Variants in CLEC10A observed in about 807,000 individuals in gnomAD.
CLEC10A encodes the protein C-type lectin domain family 10 member A.
Under a neutral mutation model 42.0 loss-of-function variants are expected in CLEC10A, and 38 were observed. That is an observed-to-expected ratio of 0.90 (90% CI 0.70 to 1.18). CLEC10A has a LOEUF of 1.18. CLEC10A is among the 50% of genes most tolerant of loss of function. The probability of loss-of-function intolerance (pLI) is 0.00; values close to 1 mark genes in which losing one functional copy is unlikely to be tolerated. For missense variants in CLEC10A, 298 were observed against 345.9 expected (o/e 0.86, Z 1.10); for synonymous variants, 126 against 139.9 (o/e 0.90, Z 0.70).
chr17:7,077,674 C>A (rs9914415), intron 3 of CLEC10A, among the ~76,000 whole-genome samples: 2 of 97,056 alleles, frequency 2.1e-5, no homozygotes, highest in East Asian at 4.9e-4. Flanking sequence ...GTGCCCCCAC[C>A]ACCGTCCCCA....
At chr17:7,078,403 G>A (rs1353826821) in intron 2 of CLEC10A, 8 of 504,532 alleles carry the variant, frequency 1.6e-5, no homozygotes, top group Non-Finnish European at 3.6e-6. Context: ...GGAGAGCTGG[G>A]GGCAGCCAGC....
At position 7,078,846 on chromosome 17, in the gene CLEC10A, C is replaced by T. The variant is rs1172347697; in HGVS notation, c.-34G>A. The T allele has an allele frequency of 6.2e-7, 1 of 1,610,510 alleles. No homozygotes were observed. The highest frequency in any genetic ancestry group is 1.1e-5 in the South Asian group (1 of 90,986). On this transcript the variant is annotated 5_prime_UTR_variant, in exon 2 of 9. Coordinates refer to ENST00000416562, the MANE Select transcript of CLEC10A (RefSeq NM_001330070.2). ...CAACACGGCTCTGAGGTTGTCACAGCTGAAATGGAGGCAGGGCCGGCGCCC... is the reference window on the plus strand; with the variant it reads ...CAACACGGCTCTGAGGTTGTCACAGTTGAAATGGAGGCAGGGCCGGCGCCC...
intron 2 of CLEC10A, 31 bp from the exon 3 acceptor site, chr17:7,078,144 G>A (rs774163058): frequency 9.2e-6 from 14 of 1,529,936 alleles, no homozygotes; most frequent in Middle Eastern, 1.7e-4. Context: ...AGGATGAGGA[G>A]GGTCCAGACA....
At chr17:7,077,018 G>T in intron 3 of CLEC10A, 31 bp from the exon 4 acceptor site, 2 of 1,467,246 alleles carry the variant, frequency 1.4e-6, no homozygotes, top group South Asian at 1.1e-5. Context: ...GTCAGTGCTG[G>T]GATTCATCAG....
chr17:7,075,863 G>T lies in CLEC10A; in HGVS notation c.462C>A (p.Cys154Ter). The change falls in exon 7 of 9, where the codon TGC becomes TGA. Residue 154 changes from cysteine to a stop codon, truncating the protein, a stop_gained. Transcript: ENST00000416562. LOFTEE classifies it high-confidence loss of function. ...CTTGGTGCTCCACCCAGTTGACAGG[G>T]CAGCAGGTCCCTTCAGTGGAGGCTG... ...NNNASTEGTC[C>*]PVNWVEHQDS... is the part of the protein sequence containing the mutation. The T allele has an allele frequency of 6.2e-7, 1 of 1,613,424 alleles. No homozygotes were observed. Among genetic ancestry groups the T allele is most frequent in the Non-Finnish European group, 8.5e-7 (1 of 1,179,786 alleles).
intron 5 of CLEC10A, 34 bp downstream of exon 5, chr17:7,076,699 A>G (rs1911773967): frequency 6.2e-7 from 1 of 1,608,530 alleles, no homozygotes; most frequent in East Asian, 2.2e-5. Flanking sequence ...CTGAGCGCCT[A>G]GCCCCCCACA....
Position 7,076,029 on chromosome 17 carries a change from T to A in CLEC10A, c.395A>T (p.Asp132Val), listed in dbSNP as rs776478977. 3.7e-6 allele frequency: 6 copies of A among 1,614,040 alleles called. No homozygotes were observed. The highest frequency in any genetic ancestry group is 5.1e-6 in the Non-Finnish European group (6 of 1,180,014). ...CACCTGGCAGGTCAGTTTCTTCAGG[T>A]CTTGCACCAGCTGCTGGACTCGCAG... ...MLLRVQQLVQ[D>V]LKKLTCQVAT... is the part of the protein sequence containing the mutation. Residue 132 changes from aspartate (D) to valine (V), a missense_variant, in exon 6 of 9, where the codon GAC becomes GTC. Coordinates refer to ENST00000416562, the MANE Select transcript of CLEC10A (RefSeq NM_001330070.2).
chr17:7,079,059 G>A (rs769188914), intron 1 of CLEC10A, among the ~76,000 whole-genome samples, 174 bp from the exon 2 acceptor site: 3 of 152,292 alleles, frequency 2.0e-5, no homozygotes, highest in Non-Finnish European at 4.4e-5. Context: ...GGAGGGTAAC[G>A]TTGGAGCTAA....
At chr17:7,079,840 T>G (rs894993967) in intron 1 of CLEC10A, among the ~76,000 whole-genome samples, 1 of 151,996 alleles carries the variant, frequency 6.6e-6, no homozygotes, top group Non-Finnish European at 1.5e-5. Context: ...CCCGGAGTCT[T>G]AGTTTATGAC....
At chr17:7,077,479 A>C (rs1597359857) in intron 3 of CLEC10A, among the ~76,000 whole-genome samples, 2 of 40,756 alleles carry the variant, frequency 4.9e-5, no homozygotes, top group Admixed American at 3.4e-4. Context: ...CCCAACAATC[A>C]CTCCATCAGT....
chr17:7,077,819 G>A (rs1013031914), intron 3 of CLEC10A, among the ~76,000 whole-genome samples, 178 bp downstream of exon 3: 1 of 93,120 alleles, frequency 1.1e-5, no homozygotes, highest in East Asian at 2.7e-4. Flanking sequence ...CATGACTGTT[G>A]GTAGCACTGC....
rs754288455 is a variant in CLEC10A, at chr17:7,075,053, C to A, written c.*1G>T. The A allele has an allele frequency of 3.2e-6, 5 of 1,558,008 alleles. No homozygotes were observed. In the South Asian group the frequency reaches 6.0e-5, roughly 19 times the overall value. Reference sequence around the variant, plus strand: ...GGCCGGGTGGTCCCACCAAAGGCAGCTCAGTGACTCTCCTGGCTGGTCTGA... The same window carrying A: ...GGCCGGGTGGTCCCACCAAAGGCAGATCAGTGACTCTCCTGGCTGGTCTGA... On this transcript the variant is annotated 3_prime_UTR_variant, in exon 9 of 9. Coordinates refer to ENST00000416562, the MANE Select transcript of CLEC10A (RefSeq NM_001330070.2).
chr17:7,077,773 G>GC (rs1407001848), intron 3 of CLEC10A, among the ~76,000 whole-genome samples: 1 of 151,154 alleles, frequency 6.6e-6, no homozygotes, highest in African/African-American at 2.4e-5. Context: ...CTCCATCAGT[G>GC]CCCCATCAGT....
In CLEC10A at chr17:7,075,459, A is replaced by G. The variant is rs1911670396; in HGVS notation, c.602T>C (p.Val201Ala). The change falls in exon 8 of 9, where the codon GTC (valine) becomes GCC (alanine). Residue 201 changes from valine (V) to alanine (A), a missense_variant. Physicochemically the swap from Val to Ala is moderately conservative, Grantham distance 64. This residue lies in a region of CLEC10A where 267 missense variants were observed against 289.5 expected (regional missense o/e 0.92). Transcript: ENST00000416562. ...GTATGCGGAGCCTAGATATTTCTGG[A>G]CAAAATTCTGCGGTGACAGAAGGGC... ...VINSREEQNF[V>A]QKYLGSAYTW... The G allele has an allele frequency of 2.6e-6, 4 of 1,531,322 alleles. No individual in the cohort carries two copies. The highest frequency in any genetic ancestry group is 3.5e-6 in the Non-Finnish European group (4 of 1,142,584). 94.9% of individuals were successfully genotyped at this position (1,531,322 alleles called of 1,614,324 possible).
At chr17:7,076,702 C>G in intron 5 of CLEC10A, 31 bp downstream of exon 5, 1 of 1,610,892 alleles carries the variant, frequency 6.2e-7, no homozygotes, top group South Asian at 1.1e-5. Context: ...AGCGCCTAGC[C>G]CCCCACACCC....
intron 8 of CLEC10A, 41 bp downstream of exon 8, chr17:7,075,319 C>A (rs767516359): frequency 8.0e-6 from 12 of 1,507,474 alleles, no homozygotes; most frequent in Non-Finnish European, 8.8e-6. Flanking sequence ...GGGGGAAACG[C>A]TGACGGAGGA....
chr17:7,078,146 G>A (rs759431130), intron 2 of CLEC10A, 33 bp from the exon 3 acceptor site: 1 of 1,518,846 alleles, frequency 6.6e-7, no homozygotes, highest in South Asian at 1.1e-5. Context: ...GATGAGGAGG[G>A]TCCAGACACC....
Position 7,075,016 on chromosome 17 carries a change from CG to C in CLEC10A, c.*37del. On this transcript the variant is annotated 3_prime_UTR_variant, in exon 9 of 9. Transcript: ENST00000416562. ...GTCGTGAGAAGAGTCCTCCTCCCACCGCCATTTCTGTGGCCGGGTGGTCCCA... is the reference window on the plus strand; with the variant it reads ...GTCGTGAGAAGAGTCCTCCTCCCACCCCATTTCTGTGGCCGGGTGGTCCCA... The C allele has an allele frequency of 6.7e-7, 1 of 1,501,496 alleles. No homozygotes were observed. Among genetic ancestry groups the C allele is most frequent in the Non-Finnish European group, 8.9e-7 (1 of 1,128,096 alleles). 93.0% of individuals were successfully genotyped at this position (1,501,496 alleles called of 1,614,324 possible).
intron 1 of CLEC10A, 21 bp downstream of exon 1, chr17:7,080,031 C>G (rs8075065): frequency 5.2e-5 from 8 of 152,404 alleles, no homozygotes; most frequent in African/African-American, 1.9e-4. Flanking sequence ...TGGGTCTCAC[C>G]GGCACCGGCA....
Sources: gnomAD v4.1 joint callset for allele counts (sites outside exome capture counted in the v4.1 genomes callset) on GRCh38, gnomAD v4.1.1 for gene constraint, gnomAD v4.1.1 regional missense constraint, MANE v1.5 for transcripts, NCBI Gene and HGNC (gene_info 2026-07-23, HGNC 2026-07-21) for gene names.